The following TSHZ2 variants were observed in gnomAD, a reference collection of about 807,000 sequenced individuals.
TSHZ2 encodes the protein teashirt homolog 2.
A neutral mutation model predicts 74.4 loss-of-function variants in TSHZ2; 21 were observed. The ratio of observed to expected loss-of-function variants is 0.28; its 90% CI spans 0.20 to 0.41. TSHZ2 has a LOEUF of 0.41. Ranked by LOEUF, TSHZ2 falls within the 10% of genes least tolerant of loss-of-function variation. The probability of loss-of-function intolerance (pLI) is 1.00; values close to 1 mark genes in which losing one functional copy is unlikely to be tolerated. For synonymous variants in TSHZ2, 540 were observed against 515.3 expected, an observed-to-expected ratio of 1.05 and a Z score of -0.65; for missense variants, 1,244 against 1,293.5, an observed-to-expected ratio of 0.96 and a Z score of 0.59.
rs529359357 is a variant in TSHZ2, at chr20:53,052,878, G to T, written c.40+79545G>T. ...TTGCATTTCTTAAGACAGCTCTATT[G>T]TGATACAATTCATATACCATAAAAT... On this transcript the variant is annotated intron_variant, in intron 1 of 2. Transcript: ENST00000371497. 2.0e-5 allele frequency among the ~76,000 whole-genome samples: 3 copies of T among 152,272 alleles called. No individual in the cohort carries two copies. The South Asian group carries it at 6.2e-4, about 32-fold the overall frequency.
chr20:53,272,517 T>G (rs181879096), intron 2 of TSHZ2, among the ~76,000 whole-genome samples: 120 of 152,244 alleles, frequency 7.9e-4, no homozygotes, highest in Middle Eastern at 6.8e-3. Flanking sequence ...TGATTATACT[T>G]CCTTTTGCCA....
intron 1 of TSHZ2, among the ~76,000 whole-genome samples, chr20:53,075,501 G>C (rs1046188039): frequency 1.3e-5 from 2 of 152,202 alleles, no homozygotes; most frequent in Non-Finnish European, 1.5e-5. Flanking sequence ...AGCTATAAAA[G>C]GAGCGACAAA....
intron 2 of TSHZ2, among the ~76,000 whole-genome samples, chr20:53,313,738 C>T (rs560843776): frequency 2.0e-4 from 31 of 152,304 alleles, no homozygotes; most frequent in Middle Eastern, 3.4e-3. Context: ...CCCTCTTGGC[C>T]TCTGTTCCAC....
intron 2 of TSHZ2, among the ~76,000 whole-genome samples, chr20:53,367,234 A>G (rs992122998): frequency 5.0e-5 from 7 of 141,078 alleles, no homozygotes; most frequent in Admixed American, 4.9e-4. Context: ...TGTCTCTACT[A>G]AAAAAAAAAA....
intron 2 of TSHZ2, among the ~76,000 whole-genome samples, chr20:53,265,540 C>G (rs1234982124): frequency 6.6e-6 from 1 of 152,198 alleles, no homozygotes; most frequent in Non-Finnish European, 1.5e-5. Flanking sequence ...GCTCAGCCCA[C>G]CTCTGTGAGC....
chr20:53,199,264 G>A (rs144616143), intron 1 of TSHZ2, among the ~76,000 whole-genome samples: 160 of 152,248 alleles, frequency 1.1e-3, no homozygotes, highest in Middle Eastern at 6.8e-3. Flanking sequence ...TTGGGAGGCC[G>A]AGGCGGGTGG....
intron 2 of TSHZ2, among the ~76,000 whole-genome samples, chr20:53,314,655 ACT>A (rs1414388483): frequency 7.4e-6 from 1 of 135,096 alleles, no homozygotes; most frequent in Non-Finnish European, 1.5e-5. Context: ...ACAGAGTCTC[ACT>A]GTCTCCCAGG....
chr20:53,426,043 A>G, intron 2 of TSHZ2, among the ~76,000 whole-genome samples: 1 of 152,184 alleles, frequency 6.6e-6, no homozygotes. Context: ...ATCTACCAAT[A>G]TCTGAACTTC....
At chr20:53,115,536 C>A (rs1296326486) in intron 1 of TSHZ2, among the ~76,000 whole-genome samples, 2 of 152,160 alleles carry the variant, frequency 1.3e-5, no homozygotes, top group Non-Finnish European at 2.9e-5. Context: ...TCCGTTAACC[C>A]TCTTTCCTTT....
chr20:53,033,241 A>G (rs1351660259), intron 1 of TSHZ2, among the ~76,000 whole-genome samples: 3 of 152,216 alleles, frequency 2.0e-5, no homozygotes, highest in Non-Finnish European at 4.4e-5. Flanking sequence ...TCTACAGCTG[A>G]GAGTTACTAG....
intron 1 of TSHZ2, among the ~76,000 whole-genome samples, chr20:53,203,899 G>A (rs1189979982): frequency 6.6e-6 from 1 of 151,680 alleles, no homozygotes; most frequent in East Asian, 1.9e-4. Context: ...TACCACATGG[G>A]GCTACTAAGC....
intron 1 of TSHZ2, chr20:53,185,302 A>T (rs1359328319): frequency 9.5e-7 from 1 of 1,047,536 alleles, no homozygotes; most frequent in Non-Finnish European, 1.2e-6. Flanking sequence ...TCTAGAACAC[A>T]CCCGACATGT....
At chr20:53,265,582 C>T (rs1340639834) in intron 2 of TSHZ2, among the ~76,000 whole-genome samples, 2 of 152,164 alleles carry the variant, frequency 1.3e-5, no homozygotes, top group Non-Finnish European at 2.9e-5. Context: ...ATAATAGGCG[C>T]CATGGCAGTA....
chr20:53,163,610 G>T (rs534256430), intron 1 of TSHZ2, among the ~76,000 whole-genome samples: 58 of 151,914 alleles, frequency 3.8e-4, no homozygotes, highest in Non-Finnish European at 6.5e-4. Context: ...AATCACTCAC[G>T]CTGGGGGACA....
intron 1 of TSHZ2, among the ~76,000 whole-genome samples, chr20:53,219,271 C>T (rs539354268): frequency 9.9e-5 from 15 of 152,224 alleles, no homozygotes; most frequent in African/African-American, 2.4e-4. Context: ...TTTTTAAACA[C>T]GAGAACAATC....
rs1384446194 is a variant in TSHZ2, at chr20:53,273,775, A to C, written c.*8+17204A>C. Among the ~76,000 whole-genome samples the C allele has an allele frequency of 3.3e-5, 5 of 152,172 alleles. No homozygotes were observed. In the East Asian group the frequency reaches 9.7e-4, roughly 29 times the overall value. ...GACCTGGGAGAATTCTGGATCACTC[A>C]GGACCATGCTTGCCTAGGGAGGAGA... On this transcript the variant is annotated intron_variant, in intron 2 of 2. Coordinates refer to ENST00000371497, the MANE Select transcript of TSHZ2 (RefSeq NM_173485.6).
chr20:53,178,386 G>A (rs967143634), intron 1 of TSHZ2: 2 of 152,328 alleles, frequency 1.3e-5, no homozygotes, highest in East Asian at 3.9e-4. Context: ...AGGGACCATA[G>A]AGCTAATCAC....
intron 1 of TSHZ2, among the ~76,000 whole-genome samples, chr20:53,085,370 GAA>G (rs751566524): frequency 2.0e-5 from 3 of 151,786 alleles, no homozygotes; most frequent in Non-Finnish European, 2.9e-5. Flanking sequence ...ATCTCAAAAA[GAA>G]AGAGAGAGAG....
rs1441516391 is a variant in TSHZ2, at chr20:53,269,743, C to T, written c.*8+13172C>T. 4.0e-5 allele frequency among the ~76,000 whole-genome samples: 6 copies of T among 151,308 alleles called. No homozygotes were observed. The East Asian group carries it at 5.8e-4, about 15-fold the overall frequency. Reference sequence around the variant, plus strand: ...AGCGCACCAGCATGGCACATGTATACATATGTAACTAACCTGCACAATGTG... The same window carrying T: ...AGCGCACCAGCATGGCACATGTATATATATGTAACTAACCTGCACAATGTG... On this transcript the variant is annotated intron_variant, in intron 2 of 2. Coordinates refer to ENST00000371497, the MANE Select transcript of TSHZ2 (RefSeq NM_173485.6).
Sources: gnomAD v4.1 joint callset for allele counts (sites outside exome capture counted in the v4.1 genomes callset) on GRCh38, gnomAD v4.1.1 for gene constraint, MANE v1.5 for transcripts, NCBI Gene and HGNC (gene_info 2026-07-23, HGNC 2026-07-21) for gene names.